The following STAM variants were observed in gnomAD, a reference collection of about 807,000 sequenced individuals.
The protein encoded by STAM is signal transducing adapter molecule 1.
STAM carries 16 observed loss-of-function variants against 63.4 expected under a neutral mutation model. The observed-to-expected ratio is 0.25, with a 90% confidence interval of 0.17 to 0.38. The LOEUF is 0.38. Among genes scored for constraint, STAM ranks in the 10% least tolerant of loss-of-function variants. The pLI is 1.00. For missense variants in STAM, 636 were observed against 657.1 expected, an observed-to-expected ratio of 0.97 and a Z score of 0.35; for synonymous variants, 238 against 223.9, an observed-to-expected ratio of 1.06 and a Z score of -0.56.
chr10:17,666,618 C>G (rs1242338167), intron 2 of STAM, among the ~76,000 whole-genome samples: 3 of 151,900 alleles, frequency 2.0e-5, no homozygotes, highest in African/African-American at 7.3e-5. Flanking sequence ...AGGATGGTCT[C>G]GATATCCTGA....
chr10:17,656,861 G>C (rs1473395709), intron 1 of STAM, among the ~76,000 whole-genome samples: 1 of 152,176 alleles, frequency 6.6e-6, no homozygotes, highest in Non-Finnish European at 1.5e-5. Flanking sequence ...AAGTGCCCTT[G>C]GAAGAAATCC....
chr10:17,679,231 C>T (rs115809107), intron 2 of STAM, among the ~76,000 whole-genome samples: 168 of 152,252 alleles, frequency 1.1e-3, no homozygotes, highest in African/African-American at 3.8e-3. Context: ...TATTTGGTAT[C>T]TTTCCTTTCT....
chr10:17,705,486 A>G (rs1836219339), intron 11 of STAM, 102 bp from the exon 12 acceptor site: 3 of 1,295,244 alleles, frequency 2.3e-6, no homozygotes, highest in South Asian at 3.0e-5. Flanking sequence ...AATGTCTACT[A>G]GTACTACTTT....
chr10:17,687,936 ACAT>A, intron 4 of STAM, 88 bp from the exon 5 acceptor site: 1 of 1,127,364 alleles, frequency 8.9e-7, no homozygotes, highest in Non-Finnish European at 1.2e-6. Context: ...GATTCAAAAA[ACAT>A]CACTTAATAA....
At chr10:17,702,239 TGA>T (rs1456870662) in intron 9 of STAM, among the ~76,000 whole-genome samples, 30 of 152,300 alleles carry the variant, frequency 2.0e-4, no homozygotes, top group African/African-American at 7.0e-4. Flanking sequence ...AATCTAATAC[TGA>T]GAGTATTATC....
Position 17,708,948 on chromosome 10 carries a change from C to T in STAM, c.1382C>T (p.Pro461Leu), listed in dbSNP as rs1564573834. ...LPSQQTQAAY[P>L]NTMVSSVQGN... ...AGTCAGCAGACTCAGGCCGCTTACC[C>T]AAAGTAATTTTACTGTTGATTCTTG... The change falls in exon 13 of 14, where the codon CCA becomes CTA. Residue 461 changes from proline to leucine, a missense_variant. Transcript: ENST00000377524. The T allele has an allele frequency of 1.9e-6, 3 of 1,613,196 alleles. No homozygotes were observed. The highest frequency in any genetic ancestry group is 2.5e-6 in the Non-Finnish European group (3 of 1,179,402).
At chr10:17,651,968 T>C (rs1463231635) in intron 1 of STAM, among the ~76,000 whole-genome samples, 2 of 152,208 alleles carry the variant, frequency 1.3e-5, no homozygotes, top group Admixed American at 6.5e-5. Context: ...TTCTCTAATC[T>C]TTTGAAAAGA....
intron 4 of STAM, among the ~76,000 whole-genome samples, chr10:17,687,442 T>A (rs1468097838): frequency 6.6e-6 from 1 of 151,900 alleles, no homozygotes; most frequent in Non-Finnish European, 1.5e-5. Flanking sequence ...TGTGCTGAGA[T>A]CGAGCCACTG....
chr10:17,687,449 A>G (rs1835341439), intron 4 of STAM, among the ~76,000 whole-genome samples: 1 of 152,158 alleles, frequency 6.6e-6, no homozygotes, highest in Non-Finnish European at 1.5e-5. Flanking sequence ...AGATCGAGCC[A>G]CTGCAGTCCG....
intron 1 of STAM, among the ~76,000 whole-genome samples, chr10:17,649,613 T>G (rs782614079): frequency 2.2e-4 from 33 of 152,204 alleles, no homozygotes; most frequent in Non-Finnish European, 4.4e-4. Context: ...CAAGAATTAT[T>G]TATCAAATAA....
At chr10:17,650,647 C>T (rs1833699786) in intron 1 of STAM, among the ~76,000 whole-genome samples, 1 of 152,244 alleles carries the variant, frequency 6.6e-6, no homozygotes, top group Non-Finnish European at 1.5e-5. Context: ...TCACCACTCT[C>T]TCAGATTAGT....
chr10:17,694,263 T>A (rs895839302), intron 6 of STAM, among the ~76,000 whole-genome samples: 1 of 152,200 alleles, frequency 6.6e-6, no homozygotes, highest in Non-Finnish European at 1.5e-5. Flanking sequence ...GCCAGAGTTG[T>A]TTGCTTTTTT....
At position 17,714,748 on chromosome 10, in the gene STAM, C is replaced by CAGCAACCAT; in HGVS notation, c.1593_1601dup (p.Pro533_Tyr534insTer). On this transcript the variant is annotated stop_gained and inframe_insertion, in exon 14 of 14. Coordinates refer to ENST00000377524, the MANE Select transcript of STAM (RefSeq NM_003473.4). LOFTEE classifies it high-confidence loss of function. ...AGGCAGCCAACAGCCACCTCAGCCA[C>CAGCAACCAT]AGCAACCATATTCTCAGAAGGCTCT... 1 of 1,614,150 alleles carries CAGCAACCAT rather than the reference C, an allele frequency of 6.2e-7. No individual in the cohort carries two copies. Among genetic ancestry groups the CAGCAACCAT allele is most frequent in the Non-Finnish European group, 8.5e-7 (1 of 1,180,018 alleles).
chr10:17,678,581 G>T (rs115702226), intron 2 of STAM, among the ~76,000 whole-genome samples: 4 of 152,098 alleles, frequency 2.6e-5, no homozygotes, highest in African/African-American at 9.7e-5. Flanking sequence ...TCTGAGGTTC[G>T]TTTATGTTGT....
chr10:17,674,518 A>G (rs1364033827), intron 2 of STAM, among the ~76,000 whole-genome samples: 2 of 152,098 alleles, frequency 1.3e-5, no homozygotes, highest in Non-Finnish European at 2.9e-5. Context: ...CTCTTACCCA[A>G]GGCCTCTGCT....
At chr10:17,704,923 T>C (rs1380897425) in intron 10 of STAM, 47 bp from the exon 11 acceptor site, 1 of 1,492,218 alleles carries the variant, frequency 6.7e-7, no homozygotes, top group Middle Eastern at 1.9e-4. Flanking sequence ...GGTTCACATT[T>C]TTTTTTCTTG....
chr10:17,650,792 G>A (rs868977491), intron 1 of STAM, among the ~76,000 whole-genome samples: 13 of 152,284 alleles, frequency 8.5e-5, no homozygotes, highest in Admixed American at 3.3e-4. Flanking sequence ...AGGGCTGGGC[G>A]CGGTGGCTCA....
At chr10:17,707,814 C>T (rs1807029086) in intron 12 of STAM, among the ~76,000 whole-genome samples, 1 of 150,614 alleles carries the variant, frequency 6.6e-6, no homozygotes, top group South Asian at 2.1e-4. Flanking sequence ...GTTAAGACTT[C>T]AATCTCTTTA....
At chr10:17,647,325 T>G (rs1439384720) in intron 1 of STAM, among the ~76,000 whole-genome samples, 1 of 152,200 alleles carries the variant, frequency 6.6e-6, no homozygotes, top group Non-Finnish European at 1.5e-5. Flanking sequence ...GTCCATTTCT[T>G]TTTTGATCTC....
Sources: gnomAD v4.1 joint callset for allele counts (sites outside exome capture counted in the v4.1 genomes callset) on GRCh38, gnomAD v4.1.1 for gene constraint, MANE v1.5 for transcripts, NCBI Gene and HGNC (gene_info 2026-07-23, HGNC 2026-07-21) for gene names.